CPQ: variants seen among roughly 807,000 people sequenced by gnomAD.
CPQ encodes Ser-Met dipeptidase.
In CPQ, 37 loss-of-function variants were observed where a neutral mutation model predicts 45.7. That is an observed-to-expected ratio of 0.81 (90% CI 0.62 to 1.07). The LOEUF (loss-of-function observed/expected upper bound fraction) is 1.07, where lower values mean the gene tolerates loss of function less well. Among genes scored for constraint, CPQ ranks in the 50% least tolerant of loss-of-function variants. CPQ has a pLI of 0.00. For missense variants in CPQ, 537 were observed against 572.9 expected, an observed-to-expected ratio of 0.94 and a Z score of 0.64; for synonymous variants, 186 against 205.8, an observed-to-expected ratio of 0.90 and a Z score of 0.82.
chr8:96,971,736 A>ATGTT (rs1343473165), intron 5 of CPQ, among the ~76,000 whole-genome samples: 2 of 152,340 alleles, frequency 1.3e-5, no homozygotes, highest in East Asian at 3.9e-4. Flanking sequence ...ATTAATTTAA[A>ATGTT]TGTTAATGCG....
intron 7 of CPQ, among the ~76,000 whole-genome samples, chr8:97,068,952 TC>T (rs1420886921): frequency 6.6e-6 from 1 of 152,164 alleles, no homozygotes; most frequent in Non-Finnish European, 1.5e-5. Context: ...CCTCCAAATC[TC>T]CGGCAGTGTC....
intron 7 of CPQ, among the ~76,000 whole-genome samples, chr8:97,120,810 G>A (rs1369350720): frequency 1.3e-5 from 2 of 152,110 alleles, no homozygotes; most frequent in East Asian, 3.9e-4. Flanking sequence ...CTAATTATCT[G>A]CATGAGATTT....
At chr8:96,802,490 T>G (rs1811019945) in intron 2 of CPQ, among the ~76,000 whole-genome samples, 1 of 152,228 alleles carries the variant, frequency 6.6e-6, no homozygotes. Context: ...GAAGGCACTT[T>G]GATTTCTCCA....
At chr8:96,939,977 T>C (rs1813103656) in intron 4 of CPQ, among the ~76,000 whole-genome samples, 1 of 152,104 alleles carries the variant, frequency 6.6e-6, no homozygotes, top group African/African-American at 2.4e-5. Flanking sequence ...CCTTAGTGCA[T>C]GGTATTTGCA....
chr8:96,669,376 C>T (rs981886801), intron 1 of CPQ, among the ~76,000 whole-genome samples: 1 of 152,172 alleles, frequency 6.6e-6, no homozygotes, highest in African/African-American at 2.4e-5. Context: ...TGAGGAGACC[C>T]TGCCCCTCCT....
In CPQ at chr8:96,942,284, T is replaced by C. The variant is rs147671325; in HGVS notation, c.850-23651T>C. ...TAATGCAGGGGGCTGAGTTTGGATT[T>C]GCAAACCTTACTCCTTAGCCTAAGC... On this transcript the variant is annotated intron_variant, in intron 4 of 7. Transcript: ENST00000220763. 2.1e-3 allele frequency among the ~76,000 whole-genome samples: 322 copies of C among 152,332 alleles called. 1 individual carries two copies. The highest frequency in any genetic ancestry group is 0.01 in the Middle Eastern group (3 of 294).
chr8:96,741,775 T>C (rs1586382003), intron 1 of CPQ, among the ~76,000 whole-genome samples: 1 of 151,900 alleles, frequency 6.6e-6, no homozygotes, highest in East Asian at 1.9e-4. Flanking sequence ...TTTCATGTAG[T>C]TGAGCGGTTT....
intron 5 of CPQ, among the ~76,000 whole-genome samples, chr8:96,981,155 C>G (rs908019987): frequency 2.0e-4 from 30 of 152,086 alleles, no homozygotes; most frequent in African/African-American, 6.8e-4. Flanking sequence ...CCTGAATTTT[C>G]AAGAAATCTT....
intron 4 of CPQ, among the ~76,000 whole-genome samples, chr8:96,883,461 A>G (rs569754984): frequency 6.6e-6 from 1 of 152,318 alleles, no homozygotes; most frequent in South Asian, 2.1e-4. Context: ...TTGATCATAA[A>G]TACTTTGTTA....
intron 6 of CPQ, among the ~76,000 whole-genome samples, chr8:97,057,805 G>A (rs1810479737): frequency 6.6e-6 from 1 of 152,022 alleles, no homozygotes; most frequent in Non-Finnish European, 1.5e-5. Flanking sequence ...AGCAAGGCAG[G>A]CATTTAAAAA....
At chr8:96,866,438 G>A (rs773271049) in intron 3 of CPQ, among the ~76,000 whole-genome samples, 1 of 151,872 alleles carries the variant, frequency 6.6e-6, no homozygotes, top group African/African-American at 2.4e-5. Context: ...AAGGCAACTA[G>A]GAAAAATAGT....
chr8:97,099,233 G>A (rs1811261610), intron 7 of CPQ, among the ~76,000 whole-genome samples: 1 of 142,556 alleles, frequency 7.0e-6, no homozygotes, highest in African/African-American at 2.6e-5. Flanking sequence ...CAGATTCAAG[G>A]GATCCTCCTG....
chr8:96,786,008 G>C (rs1810763728), intron 2 of CPQ, among the ~76,000 whole-genome samples: 1 of 152,132 alleles, frequency 6.6e-6, no homozygotes, highest in African/African-American at 2.4e-5. Flanking sequence ...TACATTGTCA[G>C]TTTAAAACAT....
chr8:96,702,779 CCTT>C (rs1309090200), intron 1 of CPQ, among the ~76,000 whole-genome samples: 1 of 152,114 alleles, frequency 6.6e-6, no homozygotes, highest in Non-Finnish European at 1.5e-5. Context: ...TCCCCTTTCT[CCTT>C]CTGTAAACAA....
At chr8:96,821,606 A>G (rs1174357717) in intron 2 of CPQ, among the ~76,000 whole-genome samples, 2 of 151,974 alleles carry the variant, frequency 1.3e-5, no homozygotes, top group South Asian at 2.1e-4. Context: ...ATAAATTAGT[A>G]TGAGTTTATT....
intron 6 of CPQ, among the ~76,000 whole-genome samples, chr8:97,039,560 G>T (rs1481069277): frequency 6.6e-6 from 1 of 151,288 alleles, no homozygotes. Context: ...GTACACATGT[G>T]CCATGCTGGT....
At chr8:96,939,517 G>A (rs1309217786) in intron 4 of CPQ, among the ~76,000 whole-genome samples, 1 of 152,102 alleles carries the variant, frequency 6.6e-6, no homozygotes, top group Non-Finnish European at 1.5e-5. Flanking sequence ...TCCATATTAT[G>A]AGTATGTTGA....
chr8:96,955,783 C>A (rs1813346868), intron 4 of CPQ, among the ~76,000 whole-genome samples: 1 of 152,278 alleles, frequency 6.6e-6, no homozygotes, highest in East Asian at 1.9e-4. Flanking sequence ...AAAGGATTCC[C>A]TATTTAATGA....
intron 7 of CPQ, among the ~76,000 whole-genome samples, chr8:97,090,315 C>G (rs749753640): frequency 3.3e-5 from 5 of 152,186 alleles, no homozygotes; most frequent in South Asian, 2.1e-4. Context: ...TGTCGAGGCA[C>G]TACCTGTAAA....
Sources: allele counts gnomAD v4.1 joint callset (sites outside exome capture counted in the v4.1 genomes callset), GRCh38; gene constraint gnomAD v4.1.1; transcripts MANE v1.5; gene names NCBI Gene and HGNC (gene_info 2026-07-23, HGNC 2026-07-21).